Variants in FGF12 observed in about 807,000 individuals in gnomAD.
The protein encoded by FGF12 is fibroblast growth factor 12B.
A neutral mutation model predicts 23.6 loss-of-function variants in FGF12; 14 were observed. The observed-to-expected ratio is 0.59, with a 90% CI of 0.39 to 0.93. The LOEUF (loss-of-function observed/expected upper bound fraction) is 0.93, where lower values mean the gene tolerates loss of function less well. Ranked by LOEUF, FGF12 falls within the 40% of genes least tolerant of loss-of-function variation. FGF12 has a pLI of 0.00. For synonymous variants in FGF12, 62 were observed against 77.3 expected, an observed-to-expected ratio of 0.80 and a Z score of 1.04; for missense variants, 175 against 217.8, an observed-to-expected ratio of 0.80 and a Z score of 1.24.
At chr3:192,588,691 C>G (rs969921299) in intron 2 of FGF12, among the ~76,000 whole-genome samples, 1 of 151,896 alleles carries the variant, frequency 6.6e-6, no homozygotes. Flanking sequence ...TGTTAAAGCT[C>G]AGAAAATTAA....
At chr3:192,675,969 C>T (rs1717313187) in intron 2 of FGF12, among the ~76,000 whole-genome samples, 1 of 152,156 alleles carries the variant, frequency 6.6e-6, no homozygotes, top group Non-Finnish European at 1.5e-5. Flanking sequence ...TGGTCAGACT[C>T]ACTCAGGTTG....
rs550539240 is a variant in FGF12, at chr3:192,624,871, G to T, written c.13+102310C>A. 3.9e-5 allele frequency among the ~76,000 whole-genome samples: 6 copies of T among 152,114 alleles called. No homozygotes were observed. In the South Asian group the frequency reaches 1.2e-3, roughly 32 times the overall value. On this transcript the variant is annotated intron_variant, in intron 2 of 5. Transcript: ENST00000445105. Reference sequence around the variant, plus strand: ...TGTGATCCATCAGTACCCTTCCATAGAGCAGCCATTTTGTCATGTTTTACT... The same window carrying T: ...TGTGATCCATCAGTACCCTTCCATATAGCAGCCATTTTGTCATGTTTTACT...
intron 2 of FGF12, among the ~76,000 whole-genome samples, chr3:192,478,099 C>T (rs1330509426): frequency 6.6e-6 from 1 of 152,096 alleles, no homozygotes; most frequent in Non-Finnish European, 1.5e-5. Context: ...AATCTCATTG[C>T]ATTTTAGCTC....
intron 2 of FGF12, among the ~76,000 whole-genome samples, chr3:192,612,694 T>C (rs1258556658): frequency 6.6e-6 from 1 of 151,980 alleles, no homozygotes; most frequent in Non-Finnish European, 1.5e-5. Flanking sequence ...ATTAGGGCTA[T>C]ATATTTTCAT....
intron 4 of FGF12, among the ~76,000 whole-genome samples, chr3:192,267,950 A>G (rs1321725764): frequency 1.3e-5 from 2 of 152,148 alleles, no homozygotes; most frequent in Non-Finnish European, 2.9e-5. Flanking sequence ...TCTCTATTCT[A>G]TAAGTTGCTT....
intron 2 of FGF12, among the ~76,000 whole-genome samples, chr3:192,672,302 T>C (rs1057127850): frequency 6.6e-6 from 1 of 151,172 alleles, no homozygotes; most frequent in Non-Finnish European, 1.5e-5. Context: ...AAAAATAAGA[T>C]TTTCCTGTTG....
chr3:192,300,920 A>G (rs532383369), intron 4 of FGF12, among the ~76,000 whole-genome samples: 2 of 152,258 alleles, frequency 1.3e-5, no homozygotes, highest in South Asian at 4.1e-4. Context: ...TGGGAGGCTG[A>G]GGCATGAGAA....
At chr3:192,395,700 A>C (rs925053761) in intron 2 of FGF12, among the ~76,000 whole-genome samples, 2 of 152,200 alleles carry the variant, frequency 1.3e-5, no homozygotes, top group African/African-American at 4.8e-5. Context: ...AACCGCAGAC[A>C]ACAGTGCAGG....
intron 3 of FGF12, among the ~76,000 whole-genome samples, chr3:192,345,339 A>G (rs571748162): frequency 6.6e-6 from 1 of 152,216 alleles, no homozygotes. Context: ...TGAAAAAGCT[A>G]AGCTGTGAAC....
Position 192,139,408 on chromosome 3 carries a change from T to A in FGF12, c.*4601A>T, listed in dbSNP as rs1392093492. On this transcript the variant is annotated 3_prime_UTR_variant, in exon 6 of 6. Transcript: ENST00000445105. The stretch of plus-strand genomic sequence containing the variant: ...ACAATGATTTGAATAATCTGTGCTT[T>A]AATGGAAAAATGAAACATTAATTTG... The A allele has an allele frequency of 6.6e-6, 1 of 152,202 alleles. No homozygotes were observed. The highest frequency in any genetic ancestry group is 1.5e-5 in the Non-Finnish European group (1 of 68,022). The allele number at this position is 152,202 out of a possible 1,614,324, so 9.4% of individuals were successfully genotyped here.
chr3:192,371,227 T>C (rs538820592), intron 2 of FGF12, among the ~76,000 whole-genome samples: 6 of 152,192 alleles, frequency 3.9e-5, no homozygotes, highest in Non-Finnish European at 7.3e-5. Context: ...GATAATCTAA[T>C]TCAAAGCTCA....
intron 4 of FGF12, among the ~76,000 whole-genome samples, chr3:192,271,209 T>A (rs1021898409): frequency 6.6e-6 from 1 of 152,204 alleles, no homozygotes; most frequent in Admixed American, 6.5e-5. Flanking sequence ...GCCTCCTTCA[T>A]GTCATGTATT....
intron 2 of FGF12, among the ~76,000 whole-genome samples, chr3:192,595,107 T>C (rs1351475359): frequency 6.6e-6 from 1 of 152,248 alleles, no homozygotes; most frequent in Non-Finnish European, 1.5e-5. Flanking sequence ...TTAACTAACT[T>C]TATTTTCTCT....
At position 192,531,266 on chromosome 3, in the gene FGF12, A is replaced by C. The variant is rs142793170; in HGVS notation, c.14-170728T>G. On this transcript the variant is annotated intron_variant, in intron 2 of 5. Coordinates refer to ENST00000445105, the MANE Select transcript of FGF12 (RefSeq NM_004113.6). ...GAGATTATGATCAGTTTGGTTGTCA[A>C]AGTCTTAGATGACATCACAAGAAAC... is the stretch of plus-strand genomic sequence containing the variant. 4.3e-3 allele frequency among the ~76,000 whole-genome samples: 648 copies of C among 152,314 alleles called. 2 individuals carry two copies. The highest frequency in any genetic ancestry group is 6.3e-3 in the Non-Finnish European group (429 of 68,030).
intron 2 of FGF12, among the ~76,000 whole-genome samples, chr3:192,376,827 T>C (rs12632750): frequency 0.14 from 21,655 of 152,228 alleles, 1,889 homozygotes; most frequent in South Asian, 0.3. Context: ...TTATTCAACT[T>C]GTTGAGCTTT....
chr3:192,449,899 C>T (rs1202780429), intron 2 of FGF12, among the ~76,000 whole-genome samples: 1 of 152,138 alleles, frequency 6.6e-6, no homozygotes, highest in Non-Finnish European at 1.5e-5. Context: ...ATGACAGCAG[C>T]TGATATTTAT....
intron 2 of FGF12, among the ~76,000 whole-genome samples, chr3:192,654,246 C>G (rs1436001506): frequency 6.6e-6 from 1 of 152,206 alleles, no homozygotes; most frequent in Non-Finnish European, 1.5e-5. Context: ...TATAGGTTAT[C>G]TGGCTGTGCT....
At position 192,368,680 on chromosome 3, in the gene FGF12, T is replaced by C. The variant is rs540389152; in HGVS notation, c.14-8142A>G. On this transcript the variant is annotated intron_variant, in intron 2 of 5. Transcript: ENST00000445105. Reference sequence around the variant, plus strand: ...TTGTTAATAAAGTTTTTTTTTTCATTTTCTTGCTCATTTAATCTGAACAGT... The same window carrying C: ...TTGTTAATAAAGTTTTTTTTTTCATCTTCTTGCTCATTTAATCTGAACAGT... Among the ~76,000 whole-genome samples the C allele has an allele frequency of 5.9e-5, 9 of 152,276 alleles. No individual in the cohort carries two copies. The East Asian group carries it at 1.7e-3, about 29-fold the overall frequency.
At chr3:192,210,734 G>A (rs986002452) in intron 4 of FGF12, among the ~76,000 whole-genome samples, 1 of 111,642 alleles carries the variant, frequency 9.0e-6, no homozygotes, top group Non-Finnish European at 1.9e-5. Context: ...ATATTCTAAC[G>A]AGAGTAGAAG....
Sources: gnomAD v4.1 joint callset for allele counts (sites outside exome capture counted in the v4.1 genomes callset) on GRCh38, gnomAD v4.1.1 for gene constraint, MANE v1.5 for transcripts, NCBI Gene and HGNC (gene_info 2026-07-23, HGNC 2026-07-21) for gene names.